PARPBP: variants seen among roughly 807,000 people sequenced by gnomAD.
The protein encoded by PARPBP is PARP1 binding protein.
A neutral mutation model predicts 50.0 loss-of-function variants in PARPBP; 52 were observed. The ratio of observed to expected loss-of-function variants is 1.04; its 90% CI spans 0.83 to 1.31. PARPBP has a LOEUF of 1.31. PARPBP is among the 50% of genes most tolerant of loss of function. The pLI is 0.00. For synonymous variants in PARPBP, 244 were observed against 232.1 expected, an observed-to-expected ratio of 1.05 and a Z score of -0.47; for missense variants, 697 against 672.0, an observed-to-expected ratio of 1.04 and a Z score of -0.41.
chr12:102,189,609 GAATA>G (rs1440370766), intron 9 of PARPBP, among the ~76,000 whole-genome samples: 1 of 152,096 alleles, frequency 6.6e-6, no homozygotes, highest in Non-Finnish European at 1.5e-5. Flanking sequence ...TAAGAGATGA[GAATA>G]AATAGGATTT....
rs1889170428 is a variant in PARPBP, at chr12:102,175,510, GA to G, written c.850del (p.Ile284Ter). 6.2e-7 allele frequency: 1 copy of G among 1,613,394 alleles called. No homozygotes were observed. The highest frequency in any genetic ancestry group is 1.3e-5 in the African/African-American group (1 of 75,004). Reference protein sequence around the residue: ...SIAGGQILSVIKMQLIKGQNS... With the variant: ...SIAGGQILSVXKMQLIKGQNS... ...TTGCAGGGGGTCAAATACTGTCAGT[GA>G]TAAAGATGCAACTGATTAAAGGCCA... On this transcript the variant is annotated frameshift_variant, in exon 7 of 11. Coordinates refer to ENST00000327680, the MANE Select transcript of PARPBP (RefSeq NM_017915.5). LOFTEE classifies it high-confidence loss of function.
intron 6 of PARPBP, among the ~76,000 whole-genome samples, chr12:102,166,484 CATAA>C (rs1247229708): frequency 6.6e-6 from 1 of 152,104 alleles, no homozygotes; most frequent in Non-Finnish European, 1.5e-5. Context: ...TATCCTATAA[CATAA>C]ATAAACATAA....
intron 2 of PARPBP, among the ~76,000 whole-genome samples, chr12:102,146,917 A>G (rs933659384): frequency 1.3e-4 from 20 of 152,216 alleles, no homozygotes; most frequent in African/African-American, 4.8e-4. Context: ...GGACATGAAC[A>G]GACACTTCTC....
chr12:102,183,942 A>G (rs1044062648), intron 9 of PARPBP, among the ~76,000 whole-genome samples: 2 of 150,876 alleles, frequency 1.3e-5, no homozygotes, highest in Non-Finnish European at 3.0e-5. Flanking sequence ...GGGCACCTGT[A>G]ATCTCAGCTA....
intron 2 of PARPBP, among the ~76,000 whole-genome samples, chr12:102,145,140 TG>T (rs1885176833): frequency 6.6e-6 from 1 of 152,112 alleles, no homozygotes; most frequent in African/African-American, 2.4e-5. Context: ...AGTATAAAAA[TG>T]TAGATTTAAA....
In PARPBP at chr12:102,178,739, C is replaced by T. The variant is rs1233829242; in HGVS notation, c.1153C>T (p.His385Tyr). 1.2e-6 allele frequency: 2 copies of T among 1,611,854 alleles called. No individual in the cohort carries two copies. Among genetic ancestry groups the T allele is most frequent in the Non-Finnish European group, 1.7e-6 (2 of 1,178,884 alleles). The change falls in exon 8 of 11, where the codon CAT becomes TAT. Residue 385 changes from histidine (H) to tyrosine (Y), a missense_variant. His to Tyr is a moderately conservative substitution (Grantham distance 83, BLOSUM62 2). Coordinates refer to ENST00000327680, the MANE Select transcript of PARPBP (RefSeq NM_017915.5). ...ATATGATGAGGAAAACACAATCCAT[C>T]ATCATGGAACGTCTATTCTTACACT... is the stretch of plus-strand genomic sequence containing the variant. Reference protein sequence around the residue: ...LLYDEENTIHHHGTSILTLFR... With the variant: ...LLYDEENTIHYHGTSILTLFR...
At chr12:102,160,151 A>G (rs1887408412) in intron 4 of PARPBP, among the ~76,000 whole-genome samples, 1 of 152,218 alleles carries the variant, frequency 6.6e-6, no homozygotes, top group South Asian at 2.1e-4. Flanking sequence ...GAGCAAGGAA[A>G]CCATAACAGC....
chr12:102,122,794 T>A (rs1291338921), intron 1 of PARPBP, among the ~76,000 whole-genome samples: 2 of 152,182 alleles, frequency 1.3e-5, no homozygotes, highest in African/African-American at 4.8e-5. Flanking sequence ...GGTTATTAGG[T>A]AAAATAAGGA....
chr12:102,189,154 C>A (rs148219817), intron 9 of PARPBP, among the ~76,000 whole-genome samples: 1 of 152,286 alleles, frequency 6.6e-6, no homozygotes, highest in Admixed American at 6.5e-5. Flanking sequence ...AAGGTCAGTT[C>A]ACATCAGATT....
At chr12:102,126,297 C>T (rs989057610) in intron 2 of PARPBP, among the ~76,000 whole-genome samples, 1 of 152,190 alleles carries the variant, frequency 6.6e-6, no homozygotes, top group African/African-American at 2.4e-5. Context: ...ACACAAGCCC[C>T]ACCTTTTGCT....
chr12:102,139,074 T>TG (rs1410253654), intron 2 of PARPBP, among the ~76,000 whole-genome samples: 1 of 152,258 alleles, frequency 6.6e-6, no homozygotes, highest in Non-Finnish European at 1.5e-5. Context: ...TAAATTACCT[T>TG]GGACAGTATG....
At chr12:102,133,357 A>C (rs1252799100) in intron 2 of PARPBP, among the ~76,000 whole-genome samples, 1 of 151,644 alleles carries the variant, frequency 6.6e-6, no homozygotes, top group Non-Finnish European at 1.5e-5. Flanking sequence ...TAATGAGAGG[A>C]TATTTAATTT....
intron 6 of PARPBP, among the ~76,000 whole-genome samples, chr12:102,174,688 T>G (rs1328776374): frequency 6.6e-6 from 1 of 152,186 alleles, no homozygotes; most frequent in Non-Finnish European, 1.5e-5. Flanking sequence ...CCTCTTCTAT[T>G]GGACACACCT....
At chr12:102,179,924 A>G (rs1412044219) in intron 8 of PARPBP, among the ~76,000 whole-genome samples, 4 of 152,058 alleles carry the variant, frequency 2.6e-5, no homozygotes, top group Non-Finnish European at 4.4e-5. Flanking sequence ...GATCTCTTCT[A>G]TTTTCTACTG....
At chr12:102,155,153 A>C (rs1041266893) in intron 4 of PARPBP, 3 of 166,204 alleles carry the variant, frequency 1.8e-5, no homozygotes, top group African/African-American at 7.2e-5. Context: ...GTCTCTCTAA[A>C]ACATATATTA....
chr12:102,191,838 G>T (rs1033390624), intron 9 of PARPBP, among the ~76,000 whole-genome samples: 8 of 152,118 alleles, frequency 5.3e-5, no homozygotes, highest in Admixed American at 1.3e-4. Flanking sequence ...AACATGAAAT[G>T]ATTTTAACAG....
intron 9 of PARPBP, among the ~76,000 whole-genome samples, chr12:102,192,228 A>G (rs1020610196): frequency 2.0e-5 from 3 of 152,110 alleles, no homozygotes; most frequent in Admixed American, 1.3e-4. Flanking sequence ...CTCTTCCTAC[A>G]TGTTATTACA....
chr12:102,197,127 C>T lies in PARPBP; in HGVS notation c.*836C>T. On this transcript the variant is annotated 3_prime_UTR_variant, in exon 11 of 11. Coordinates refer to ENST00000327680, the MANE Select transcript of PARPBP (RefSeq NM_017915.5). ...CAAGATAAGGTTTTATAGCCAGATT[C>T]AGTGGCAGACCATGATTTAAGAAAT... 3 of 1,612,224 alleles carry T rather than the reference C, an allele frequency of 1.9e-6. No homozygotes were observed. In the East Asian group the frequency reaches 6.7e-5, roughly 36 times the overall value.
Position 102,195,987 on chromosome 12 carries a change from GA to G in PARPBP, c.1438del (p.Thr480ArgfsTer72), listed in dbSNP as rs1490618109. On this transcript the variant is annotated frameshift_variant, in exon 11 of 11. Coordinates refer to ENST00000327680, the MANE Select transcript of PARPBP (RefSeq NM_017915.5). LOFTEE classifies it low-confidence loss of function (END_TRUNC). ...CCATCTGTTGGAAGATCAACAATTG[GA>G]ACGAGTTTTGGAAATGTTCATCTGG... ...VNPSVGRSTI[G>X]TSFGNVHLDR... 2 of 1,606,110 alleles carry G rather than the reference GA, an allele frequency of 1.2e-6. No homozygotes were observed. Among genetic ancestry groups the G allele is most frequent in the Admixed American group, 3.4e-5 (2 of 58,704 alleles).
Sources: gnomAD v4.1 joint callset for allele counts (sites outside exome capture counted in the v4.1 genomes callset) on GRCh38, gnomAD v4.1.1 for gene constraint, MANE v1.5 for transcripts, NCBI Gene and HGNC (gene_info 2026-07-23, HGNC 2026-07-21) for gene names.